PDE3A: variants seen among roughly 807,000 people sequenced by gnomAD.
PDE3A encodes phosphodiesterase 3A, also known as cGMP-inhibited 3',5'-cyclic phosphodiesterase 3A.
A neutral mutation model predicts 98.3 loss-of-function variants in PDE3A; 43 were observed. The observed-to-expected ratio is 0.44, with a 90% CI of 0.34 to 0.56. The LOEUF is 0.56. PDE3A is among the 20% of genes least tolerant of loss of function. The pLI, the probability that PDE3A is intolerant of heterozygous loss-of-function variation, is 0.01. For synonymous variants in PDE3A, 663 were observed against 567.9 expected (o/e 1.17, Z -2.38); for missense variants, 1,427 against 1,440.7 (o/e 0.99, Z 0.15).
intron 1 of PDE3A, among the ~76,000 whole-genome samples, chr12:20,405,105 G>C (rs994835671): frequency 2.0e-5 from 3 of 152,202 alleles, no homozygotes; most frequent in Admixed American, 1.3e-4. Context: ...AAATGGAAAA[G>C]GGGAAATAGA....
At chr12:20,656,460 TAA>T (rs1325707612) in intron 15 of PDE3A, among the ~76,000 whole-genome samples, 2 of 152,312 alleles carry the variant, frequency 1.3e-5, no homozygotes, top group East Asian at 3.9e-4. Context: ...GGGGGAAAAT[TAA>T]AGTTGTTTTT....
intron 1 of PDE3A, among the ~76,000 whole-genome samples, chr12:20,470,069 T>A (rs964545741): frequency 2.0e-4 from 31 of 152,280 alleles, no homozygotes; most frequent in African/African-American, 7.5e-4. Flanking sequence ...TTAATCTTTT[T>A]TTTTTCTGTT....
intron 9 of PDE3A, among the ~76,000 whole-genome samples, chr12:20,637,998 T>C (rs1353089931): frequency 6.6e-6 from 1 of 152,158 alleles, no homozygotes; most frequent in Non-Finnish European, 1.5e-5. Context: ...TTTAGGTGTA[T>C]TCTTATAAAT....
chr12:20,522,442 C>T (rs1336476447), intron 1 of PDE3A, among the ~76,000 whole-genome samples: 2 of 152,038 alleles, frequency 1.3e-5, no homozygotes. Context: ...CTGCAAAAGA[C>T]AGATAATTAA....
At chr12:20,599,055 A>T (rs1943530534) in intron 2 of PDE3A, among the ~76,000 whole-genome samples, 1 of 152,184 alleles carries the variant, frequency 6.6e-6, no homozygotes, top group Non-Finnish European at 1.5e-5. Context: ...GGGCATCTGA[A>T]ATCTAGCCTC....
chr12:20,672,136 A>C (rs1249199203), intron 15 of PDE3A, among the ~76,000 whole-genome samples: 1 of 150,110 alleles, frequency 6.7e-6, no homozygotes, highest in Non-Finnish European at 1.5e-5. Flanking sequence ...AATCCAACTT[A>C]CAAGGGATGT....
chr12:20,404,648 C>T (rs1305065488), intron 1 of PDE3A, among the ~76,000 whole-genome samples: 1 of 152,058 alleles, frequency 6.6e-6, no homozygotes, highest in Admixed American at 6.6e-5. Flanking sequence ...CTGGCTTTAT[C>T]TAAGAATATT....
intron 1 of PDE3A, among the ~76,000 whole-genome samples, chr12:20,459,852 G>A (rs916074951): frequency 6.6e-6 from 1 of 152,138 alleles, no homozygotes; most frequent in African/African-American, 2.4e-5. Context: ...CAGAAGGACT[G>A]GAGGTACAAA....
At chr12:20,639,032 C>T (rs777483640) in intron 9 of PDE3A, among the ~76,000 whole-genome samples, 4 of 152,076 alleles carry the variant, frequency 2.6e-5, no homozygotes, top group Non-Finnish European at 5.9e-5. Flanking sequence ...CTTCATAAAA[C>T]ACCTTGACTT....
At chr12:20,604,576 A>G (rs1364896583) in intron 2 of PDE3A, among the ~76,000 whole-genome samples, 1 of 152,180 alleles carries the variant, frequency 6.6e-6, no homozygotes, top group Non-Finnish European at 1.5e-5. Flanking sequence ...CACCGCAATT[A>G]CATTATGTCT....
At chr12:20,618,550 A>T (rs1944062863) in intron 4 of PDE3A, among the ~76,000 whole-genome samples, 1 of 152,108 alleles carries the variant, frequency 6.6e-6, no homozygotes, top group Non-Finnish European at 1.5e-5. Context: ...TGGACTGAGA[A>T]TCTGAAGGGT....
intron 2 of PDE3A, among the ~76,000 whole-genome samples, chr12:20,567,260 G>A (rs1942684298): frequency 6.6e-6 from 1 of 151,942 alleles, no homozygotes; most frequent in Non-Finnish European, 1.5e-5. Flanking sequence ...CTGAACCAGT[G>A]TGTCTTGAGG....
intron 15 of PDE3A, among the ~76,000 whole-genome samples, chr12:20,658,399 C>A (rs909978358): frequency 2.0e-5 from 3 of 152,152 alleles, no homozygotes; most frequent in Non-Finnish European, 4.4e-5. Flanking sequence ...AAAAATTCTA[C>A]CTAATTTTCC....
chr12:20,664,413 G>A (rs1476647554), intron 15 of PDE3A, among the ~76,000 whole-genome samples: 1 of 152,126 alleles, frequency 6.6e-6, no homozygotes, highest in Admixed American at 6.5e-5. Context: ...CTGTCTACCA[G>A]CTGCCTACTT....
intron 15 of PDE3A, among the ~76,000 whole-genome samples, chr12:20,673,863 A>AAAAT (rs1168928691): frequency 4.0e-5 from 6 of 150,474 alleles, no homozygotes; most frequent in African/African-American, 2.5e-5. Context: ...ATAAAAATAA[A>AAAAT]AAAAATAAAA....
At chr12:20,512,289 A>T (rs1015509892) in intron 1 of PDE3A, among the ~76,000 whole-genome samples, 1 of 152,234 alleles carries the variant, frequency 6.6e-6, no homozygotes, top group East Asian at 1.9e-4. Context: ...AGACTATGCT[A>T]TCTTCAAAAG....
At chr12:20,642,153 T>C (rs1170002990) in intron 10 of PDE3A, among the ~76,000 whole-genome samples, 3 of 152,106 alleles carry the variant, frequency 2.0e-5, no homozygotes, top group Non-Finnish European at 2.9e-5. Context: ...ATGGGGTTGG[T>C]TTAACTTTAA....
intron 2 of PDE3A, among the ~76,000 whole-genome samples, chr12:20,585,664 A>G (rs975418947): frequency 6.6e-6 from 1 of 152,146 alleles, no homozygotes; most frequent in Non-Finnish European, 1.5e-5. Flanking sequence ...ATTTGTGAAA[A>G]TGTCTAGCAT....
chr12:20,402,014 G>A (rs1324245184), intron 1 of PDE3A, among the ~76,000 whole-genome samples: 1 of 152,132 alleles, frequency 6.6e-6, no homozygotes, highest in African/African-American at 2.4e-5. Context: ...TTGATGAATG[G>A]TACTTAGGAA....
Sources: gnomAD v4.1 joint callset for allele counts (sites outside exome capture counted in the v4.1 genomes callset) on GRCh38, gnomAD v4.1.1 for gene constraint, MANE v1.5 for transcripts, NCBI Gene and HGNC (gene_info 2026-07-23, HGNC 2026-07-21) for gene names.